STT3B: variants seen among roughly 807,000 people sequenced by gnomAD.
The protein encoded by STT3B is dolichyl-diphosphooligosaccharide--protein glycosyltransferase subunit STT3B.
In STT3B, 29 loss-of-function variants were observed where a neutral mutation model predicts 96.8. The observed-to-expected ratio is 0.30, with a 90% confidence interval of 0.22 to 0.41. The LOEUF is 0.41. Among genes scored for constraint, STT3B ranks in the 10% least tolerant of loss-of-function variants. STT3B has a pLI of 1.00. For missense variants in STT3B, 640 were observed against 1,022.3 expected (o/e 0.63, Z 5.10); for synonymous variants, 367 against 360.0 (o/e 1.02, Z -0.22).
At chr3:31,571,961 A>T (rs2125449588) in intron 1 of STT3B, among the ~76,000 whole-genome samples, 1 of 133,636 alleles carries the variant, frequency 7.5e-6, no homozygotes, top group South Asian at 2.2e-4. Flanking sequence ...AATATATATT[A>T]AAATATTAAA....
rs747021223 is a variant in STT3B, at chr3:31,579,890, G to A, written c.505G>A (p.Val169Ile). The change falls in exon 3 of 16, where the codon GTA (valine) becomes ATA (isoleucine). Residue 169 changes from valine (V) to isoleucine (I), a missense_variant. Val to Ile is a conservative substitution (Grantham distance 29). Around this residue, in one of 8 missense-constraint regions of STT3B, gnomAD observed 267 missense variants for 388.3 expected, o/e 0.69. Transcript: ENST00000295770. The part of the protein sequence containing the change: ...TLNITVHIRD[V>I]CVFLAPTFSG... ...GAACATAACTGTTCACATAAGAGACGTATGTGTGTTCCTTGCACCAACTTT... is the reference window on the plus strand; with the variant it reads ...GAACATAACTGTTCACATAAGAGACATATGTGTGTTCCTTGCACCAACTTT... 14 of 1,613,198 alleles carry A rather than the reference G, an allele frequency of 8.7e-6. No individual in the cohort carries two copies. The highest frequency in any genetic ancestry group is 5.0e-5 in the Admixed American group (3 of 59,988).
chr3:31,577,542 A>G (rs957089334), intron 2 of STT3B, among the ~76,000 whole-genome samples: 1 of 152,164 alleles, frequency 6.6e-6, no homozygotes, highest in African/African-American at 2.4e-5. Flanking sequence ...AACACCTTCT[A>G]TGTAATTTCA....
chr3:31,612,831 CT>C lies in STT3B; in HGVS notation c.878-2273del, dbSNP rs139742241. 2.6e-3 allele frequency among the ~76,000 whole-genome samples: 398 copies of C among 152,224 alleles called. 2 individuals carry two copies. The highest frequency in any genetic ancestry group is 9.4e-3 in the African/African-American group (390 of 41,540). ...TTTTACATTGTCAAGCAAAGTGTGG[CT>C]CCATTTGAAGAGAAAGTATGAATAT... On this transcript the variant is annotated intron_variant, in intron 5 of 15. Coordinates refer to ENST00000295770, the MANE Select transcript of STT3B (RefSeq NM_178862.3).
intron 1 of STT3B, among the ~76,000 whole-genome samples, chr3:31,574,870 G>GA (rs985715463): frequency 1.3e-5 from 2 of 151,866 alleles, no homozygotes; most frequent in African/African-American, 4.8e-5. Context: ...ATGCTCTGCG[G>GA]AAAAAAAATT....
At chr3:31,626,738 T>C (rs1699546627) in intron 13 of STT3B, among the ~76,000 whole-genome samples, 1 of 152,216 alleles carries the variant, frequency 6.6e-6, no homozygotes, top group South Asian at 2.1e-4. Context: ...CAAAAATAAC[T>C]AATTTATAGT....
At chr3:31,624,885 A>G in intron 11 of STT3B, 29 bp from the exon 12 acceptor site, 1 of 1,576,392 alleles carries the variant, frequency 6.3e-7, no homozygotes, top group Non-Finnish European at 8.7e-7. Flanking sequence ...GTGACATCTC[A>G]TTTAAAAGAG....
chr3:31,570,336 A>C (rs573572496), intron 1 of STT3B, among the ~76,000 whole-genome samples: 1 of 152,338 alleles, frequency 6.6e-6, no homozygotes, highest in Admixed American at 6.5e-5. Flanking sequence ...AATGTAGTTC[A>C]TTGTGAGGTG....
intron 3 of STT3B, among the ~76,000 whole-genome samples, chr3:31,589,053 T>G (rs1210892439): frequency 6.6e-6 from 1 of 152,102 alleles, no homozygotes; most frequent in Non-Finnish European, 1.5e-5. Flanking sequence ...AACAACATTG[T>G]CTTCCTATCA....
Position 31,598,227 on chromosome 3 carries a change from A to G in STT3B, c.777+1364A>G, listed in dbSNP as rs1221335421. Among the ~76,000 whole-genome samples the G allele has an allele frequency of 3.3e-5, 5 of 152,202 alleles. No individual in the cohort carries two copies. The South Asian group carries it at 6.2e-4, about 19-fold the overall frequency. ...AAGAACAGGAAATTTTGCCTGTCAT[A>G]TATCAAGCATGGAACCATGTTTAGA... On this transcript the variant is annotated intron_variant, in intron 4 of 15. Coordinates refer to ENST00000295770, the MANE Select transcript of STT3B (RefSeq NM_178862.3).
intron 6 of STT3B, among the ~76,000 whole-genome samples, chr3:31,615,468 A>C (rs565897612): frequency 1.3e-5 from 2 of 151,908 alleles, no homozygotes; most frequent in Non-Finnish European, 3.0e-5. Context: ...TATAACTTTC[A>C]GAGGTGGTGT....
chr3:31,586,568 T>C (rs1698542477), intron 3 of STT3B, among the ~76,000 whole-genome samples: 1 of 152,120 alleles, frequency 6.6e-6, no homozygotes. Flanking sequence ...TTGATTATGG[T>C]CTGGTGCAAT....
intron 1 of STT3B, among the ~76,000 whole-genome samples, chr3:31,550,788 T>C (rs1164314147): frequency 6.6e-6 from 1 of 152,082 alleles, no homozygotes; most frequent in East Asian, 1.9e-4. Flanking sequence ...TTTCGTTCTA[T>C]TGAAGGGGGA....
intron 5 of STT3B, among the ~76,000 whole-genome samples, chr3:31,610,825 T>A (rs549410159): frequency 2.0e-5 from 3 of 152,304 alleles, no homozygotes; most frequent in Admixed American, 6.5e-5. Flanking sequence ...CTAATGGTAA[T>A]TTTTTGTGGA....
chr3:31,626,462 A>G (rs1699540985), intron 13 of STT3B, among the ~76,000 whole-genome samples: 1 of 152,064 alleles, frequency 6.6e-6, no homozygotes, highest in Non-Finnish European at 1.5e-5. Flanking sequence ...TAAACCTGAA[A>G]TAGGATAGTA....
In STT3B at chr3:31,630,804, G is replaced by GT. The variant is rs1479257154; in HGVS notation, c.2187+1403dup. ...CGTGTTTTTTTGTGGTGTTTTTTTT[G>GT]TTTTTTTTTTGAGAGGGAGTCTCGC... On this transcript the variant is annotated intron_variant, in intron 14 of 15. Coordinates refer to ENST00000295770, the MANE Select transcript of STT3B (RefSeq NM_178862.3). Among the ~76,000 whole-genome samples the GT allele has an allele frequency of 5.5e-3, 778 of 140,352 alleles. 6 individuals are homozygous for GT. The highest frequency in any genetic ancestry group is 0.016 in the African/African-American group (604 of 38,586). 92.1% of individuals were successfully genotyped at this position (140,352 alleles called of 152,430 possible).
intron 3 of STT3B, among the ~76,000 whole-genome samples, chr3:31,587,298 T>A (rs1001470857): frequency 1.3e-5 from 2 of 152,120 alleles, no homozygotes; most frequent in Non-Finnish European, 2.9e-5. Context: ...TGACTTTCCA[T>A]TTTCACATCC....
chr3:31,617,224 G>C, intron 7 of STT3B, 149 bp downstream of exon 7: 1 of 498,884 alleles, frequency 2.0e-6, no homozygotes, highest in Non-Finnish European at 3.1e-6. Context: ...TTAATTTTGT[G>C]GCATCAAGCT....
chr3:31,618,630 G>A (rs1414927293), intron 8 of STT3B, among the ~76,000 whole-genome samples: 4 of 151,642 alleles, frequency 2.6e-5, no homozygotes, highest in Non-Finnish European at 1.5e-5. Context: ...CTCCCCAGGT[G>A]GCTCAATAAA....
chr3:31,595,782 C>T (rs1336191257), intron 3 of STT3B, among the ~76,000 whole-genome samples: 1 of 152,160 alleles, frequency 6.6e-6, no homozygotes, highest in Non-Finnish European at 1.5e-5. Flanking sequence ...CCATCTGTGC[C>T]TGCTACTGAA....
Sources: allele counts gnomAD v4.1 joint callset (sites outside exome capture counted in the v4.1 genomes callset), GRCh38; gene constraint gnomAD v4.1.1; regional missense constraint gnomAD v4.1.1; transcripts MANE v1.5; gene names NCBI Gene and HGNC (gene_info 2026-07-23, HGNC 2026-07-21).